CCM2: variants seen among roughly 807,000 people sequenced by gnomAD.
CCM2 encodes CCM2 scaffold protein, also known as cerebral cavernous malformations 2 protein.
Under a neutral mutation model 44.9 loss-of-function variants are expected in CCM2, and 25 were observed. That is an observed-to-expected ratio of 0.56 (90% CI 0.41 to 0.78). The LOEUF is 0.78. Among genes scored for constraint, CCM2 ranks in the 30% least tolerant of loss-of-function variants. CCM2 has a pLI of 0.00. For synonymous variants in CCM2, 219 were observed against 241.1 expected (o/e 0.91, Z 0.85); for missense variants, 481 against 580.6 (o/e 0.83, Z 1.76).
chr7:45,063,837 G>T, intron 2 of CCM2, 81 bp from the exon 3 acceptor site: 1 of 979,030 alleles, frequency 1.0e-6, no homozygotes, highest in Non-Finnish European at 1.7e-6. Flanking sequence ...GAAGCACTTG[G>T]TTTGTGCTCT....
At chr7:45,046,717 A>G (rs1026584252) in intron 2 of CCM2, among the ~76,000 whole-genome samples, 7 of 152,230 alleles carry the variant, frequency 4.6e-5, no homozygotes, top group Non-Finnish European at 5.9e-5. Flanking sequence ...ATAATTCATA[A>G]AAGAAAAAAC....
At chr7:45,046,649 C>T (rs1243720890) in intron 2 of CCM2, among the ~76,000 whole-genome samples, 7 of 152,190 alleles carry the variant, frequency 4.6e-5, no homozygotes, top group Non-Finnish European at 7.4e-5. Context: ...TAGGATAAAA[C>T]ATAGAAAATC....
At chr7:45,037,523 T>C (rs1797283190) in intron 1 of CCM2, among the ~76,000 whole-genome samples, 1 of 149,070 alleles carries the variant, frequency 6.7e-6, no homozygotes. Context: ...GTTCAAGCAA[T>C]TCTCCTGCCT....
In CCM2 at chr7:45,065,740, C is replaced by T. The variant is rs554395802; in HGVS notation, c.472+1094C>T. On this transcript the variant is annotated intron_variant, in intron 4 of 9. Coordinates refer to ENST00000258781, the MANE Select transcript of CCM2 (RefSeq NM_031443.4). The stretch of plus-strand genomic sequence containing the variant: ...TTGCTCTGTTTTGTTCTCTGTGTAG[C>T]AGTAGCTTAGACTTGCGTACACCCT... 2.0e-5 allele frequency among the ~76,000 whole-genome samples: 3 copies of T among 152,288 alleles called. No homozygotes were observed. In the East Asian group the frequency reaches 5.8e-4, roughly 29 times the overall value.
chr7:45,073,451 C>A lies in CCM2; in HGVS notation c.804-9C>A, dbSNP rs150362858. ...AAGCCACCCGCTCACATACCACATTCTTTCGCAGCTGCTTCCCTGAATCTG... is the reference window on the plus strand; with the variant it reads ...AAGCCACCCGCTCACATACCACATTATTTCGCAGCTGCTTCCCTGAATCTG... On this transcript the variant is annotated splice_polypyrimidine_tract_variant and intron_variant, in intron 7 of 9. Transcript: ENST00000258781. 1.9e-6 allele frequency: 3 copies of A among 1,609,376 alleles called. No homozygotes were observed. Among genetic ancestry groups the A allele is most frequent in the Non-Finnish European group, 1.7e-6 (2 of 1,176,264 alleles).
intron 1 of CCM2, among the ~76,000 whole-genome samples, chr7:45,005,980 A>G (rs1284215747): frequency 6.6e-6 from 1 of 152,192 alleles, no homozygotes; most frequent in Non-Finnish European, 1.5e-5. Flanking sequence ...TCACTTGTCC[A>G]TTAAACTATT....
intron 3 of CCM2, 30 bp from the exon 4 acceptor site, chr7:45,064,431 CTG>C (rs964166812): frequency 6.2e-7 from 1 of 1,609,600 alleles, no homozygotes; most frequent in Non-Finnish European, 8.5e-7. Flanking sequence ...ACAGCTGAGT[CTG>C]TATTTCTGAT....
intron 2 of CCM2, among the ~76,000 whole-genome samples, chr7:45,055,799 A>G (rs1413398311): frequency 1.3e-5 from 2 of 152,224 alleles, no homozygotes; most frequent in African/African-American, 4.8e-5. Context: ...GCTTCCCACC[A>G]GCCCTTACTG....
chr7:45,004,013 C>G (rs569810531), intron 1 of CCM2, among the ~76,000 whole-genome samples: 3 of 152,138 alleles, frequency 2.0e-5, no homozygotes, highest in Admixed American at 6.6e-5. Context: ...GACCCTATCT[C>G]TACAAAAAAT....
chr7:45,035,073 AAT>A (rs1435199235), intron 1 of CCM2, among the ~76,000 whole-genome samples: 1 of 151,582 alleles, frequency 6.6e-6, no homozygotes, highest in East Asian at 2.0e-4. Context: ...TGAGCTCAAC[AAT>A]CTACCCACCT....
rs535801025 is a variant in CCM2 at position 45,031,220 on chromosome 7, A to G, written c.31-7033A>G. Among the ~76,000 whole-genome samples, 100 of 151,416 alleles carry G rather than the reference A, an allele frequency of 6.6e-4. 1 individual carries two copies. The highest frequency in any genetic ancestry group is 2.2e-3 in the African/African-American group (89 of 41,354). On this transcript the variant is annotated intron_variant, in intron 1 of 9. Coordinates refer to ENST00000258781, the MANE Select transcript of CCM2 (RefSeq NM_031443.4). The stretch of plus-strand genomic sequence containing the variant: ...CAACATGGTGAAACCCCATCTCTAT[A>G]AAAATACAAAAATTAGCCAGGTGTG...
chr7:45,000,245 G>C lies in CCM2; in HGVS notation c.-89G>C. On this transcript the variant is annotated 5_prime_UTR_variant, in exon 1 of 10. Coordinates refer to ENST00000258781, the MANE Select transcript of CCM2 (RefSeq NM_031443.4). ...GGCGGGCGGCGCCGGGAGCGCGGGG[G>C]CGGCGGGCCCGGGTCGAGCATGTAG... 1 of 839,054 alleles carries C rather than the reference G, an allele frequency of 1.2e-6. No individual in the cohort carries two copies. The highest frequency in any genetic ancestry group is 1.5e-6 in the Non-Finnish European group (1 of 686,300). The allele number at this position is 839,054 out of a possible 1,614,324, so 52.0% of individuals were successfully genotyped here. A position where few individuals can be genotyped will look rare whatever the true frequency, so the allele number is the denominator to read the frequency against.
At chr7:45,013,274 A>G (rs995742539) in intron 1 of CCM2, among the ~76,000 whole-genome samples, 2 of 151,478 alleles carry the variant, frequency 1.3e-5, no homozygotes, top group African/African-American at 4.9e-5. Context: ...TTTGGCATAT[A>G]TTTTCTTTCT....
intron 1 of CCM2, among the ~76,000 whole-genome samples, chr7:45,037,506 C>T (rs1247564013): frequency 1.3e-5 from 2 of 151,250 alleles, no homozygotes; most frequent in Non-Finnish European, 2.9e-5. Context: ...CAATCTCCGC[C>T]TCCTGGGTTC....
At chr7:45,039,477 C>T (rs1292272355) in intron 2 of CCM2, among the ~76,000 whole-genome samples, 2 of 152,168 alleles carry the variant, frequency 1.3e-5, no homozygotes, top group East Asian at 1.9e-4. Flanking sequence ...AGGCATCCGA[C>T]GTCTGTCAGC....
At chr7:45,000,039 C>A, upstream of CCM2, 1 of 214,422 alleles carries the variant, frequency 4.7e-6, no homozygotes, top group South Asian at 4.4e-5. Context: ...GCCGTGTTCT[C>A]CCTGAAGGGG....
rs1290859132 is a variant in CCM2, at chr7:45,072,842, G to A, written c.803+59G>A. 1.5e-5 allele frequency: 21 copies of A among 1,412,458 alleles called. No homozygotes were observed. The East Asian group carries it at 4.1e-4, about 28-fold the overall frequency. The allele number at this position is 1,412,458 out of a possible 1,614,324, so 87.5% of individuals were successfully genotyped here. ...ACACGCACCAAATGCGTTGTCTGGT[G>A]TTGTCCAGGCTGCAGCCAGTCAGCT... On this transcript the variant is annotated intron_variant, in intron 7 of 9. Transcript: ENST00000258781.
chr7:45,034,093 C>T (rs183155173), intron 1 of CCM2, among the ~76,000 whole-genome samples: 2 of 152,106 alleles, frequency 1.3e-5, no homozygotes, highest in African/African-American at 2.4e-5. Context: ...GAATGAAGCC[C>T]GAAAGTGCCT....
At position 45,031,437 on chromosome 7, in the gene CCM2, C is replaced by T. The variant is rs540870137; in HGVS notation, c.31-6816C>T. Among the ~76,000 whole-genome samples, 440 of 150,696 alleles carry T rather than the reference C, an allele frequency of 2.9e-3. 4 individuals are homozygous for T. Among genetic ancestry groups the T allele is most frequent in the African/African-American group, 1.0e-2 (410 of 41,080 alleles). Reference sequence around the variant, plus strand: ...CTTAGTCACTTAGGCTGGAGTGCAGCGGGCAGTCATAGCCCACTGCAGCTT... The same window carrying T: ...CTTAGTCACTTAGGCTGGAGTGCAGTGGGCAGTCATAGCCCACTGCAGCTT... On this transcript the variant is annotated intron_variant, in intron 1 of 9. Transcript: ENST00000258781.
Sources: gnomAD v4.1 joint callset for allele counts (sites outside exome capture counted in the v4.1 genomes callset) on GRCh38, gnomAD v4.1.1 for gene constraint, MANE v1.5 for transcripts, NCBI Gene and HGNC (gene_info 2026-07-23, HGNC 2026-07-21) for gene names.